The following CFTR variants were observed in gnomAD, a reference collection of about 807,000 sequenced individuals.
CFTR encodes CF transmembrane conductance regulator.
CFTR carries 181 observed loss-of-function variants against 171.6 expected under a neutral mutation model. The observed-to-expected ratio is 1.05, with a 90% CI of 0.93 to 1.19. The LOEUF is 1.19. Ranked by LOEUF, CFTR falls within the 50% of genes most tolerant of loss-of-function variation. The probability of loss-of-function intolerance (pLI) is 0.00; values close to 1 mark genes in which losing one functional copy is unlikely to be tolerated. For missense variants in CFTR, 1,968 were observed against 1,734.7 expected, an observed-to-expected ratio of 1.13 and a Z score of -2.39; for synonymous variants, 583 against 608.0, an observed-to-expected ratio of 0.96 and a Z score of 0.60.
rs1562907858 is a variant in CFTR, at chr7:117,592,093, AAAACT to A, written c.1927_1931del (p.Lys643HisfsTer4). On this transcript the variant is annotated frameshift_variant, in exon 14 of 27. Transcript: ENST00000003084. LOFTEE classifies it high-confidence loss of function. ...AAAATCTACAGCCAGACTTTAGCTC[AAAACT>A]CATGGGATGTGATTCTTTCGACCAA... 1 of 1,613,786 alleles carries A rather than the reference AAAACT, an allele frequency of 6.2e-7. No individual in the cohort carries two copies. Among genetic ancestry groups the A allele is most frequent in the Admixed American group, 1.7e-5 (1 of 59,994 alleles).
chr7:117,586,107 C>G (rs1791929429), intron 11 of CFTR: 1 of 152,156 alleles, frequency 6.6e-6, no homozygotes, highest in Admixed American at 6.5e-5. Flanking sequence ...TTATTACCTT[C>G]TAAATTAGGT....
chr7:117,566,783 TCA>T (rs1791609145), intron 11 of CFTR, among the ~76,000 whole-genome samples: 2 of 152,346 alleles, frequency 1.3e-5, no homozygotes, highest in South Asian at 4.2e-4. Flanking sequence ...CATTAAATCC[TCA>T]CTTTCCATTT....
chr7:117,656,739 G>A (rs1793189459), intron 24 of CFTR, among the ~76,000 whole-genome samples: 1 of 152,276 alleles, frequency 6.6e-6, no homozygotes. Flanking sequence ...AATAGGATCA[G>A]GGGACCTAAA....
chr7:117,540,059 T>C (rs1799021885), intron 7 of CFTR, 41 bp from the exon 8 acceptor site: 1 of 1,556,518 alleles, frequency 6.4e-7, no homozygotes, highest in Admixed American at 1.7e-5. Context: ...ATTTGAAAAA[T>C]AAAATAACAT....
rs34973305 is a variant in CFTR, at chr7:117,659,544, T to C, written c.3964-5144T>C. Among the ~76,000 whole-genome samples the C allele has an allele frequency of 5.2e-3, 789 of 152,300 alleles. 9 individuals are homozygous for C. Among genetic ancestry groups the C allele is most frequent in the African/African-American group, 0.017 (713 of 41,564 alleles). Reference sequence around the variant, plus strand: ...ACCATCCTCACTTTAGAATGAGGACTCAGAGCCTTGAGATGTCTGAGGGCC... The same window carrying C: ...ACCATCCTCACTTTAGAATGAGGACCCAGAGCCTTGAGATGTCTGAGGGCC... On this transcript the variant is annotated intron_variant, in intron 24 of 26. Coordinates refer to ENST00000003084, the MANE Select transcript of CFTR (RefSeq NM_000492.4).
intron 23 of CFTR, chr7:117,647,458 G>A (rs976264548): frequency 1.3e-5 from 2 of 152,146 alleles, no homozygotes; most frequent in African/African-American, 4.8e-5. Context: ...GTTACACGAC[G>A]AATCAGGAGC....
rs773521854 is a variant in CFTR, at chr7:117,592,558, C to A, written c.2391C>A (p.Ala797=). 2.0e-6 allele frequency: 3 copies of A among 1,520,096 alleles called. No homozygotes were observed. The highest frequency in any genetic ancestry group is 2.6e-6 in the Non-Finnish European group (3 of 1,136,734). The allele number at this position is 1,520,096 out of a possible 1,614,324, so 94.2% of individuals were successfully genotyped here. ...TTASTRKVSL[A]PQANLTELDI... is the part of the protein sequence containing the mutation. ...CATCCACACGAAAAGTGTCACTGGC[C>A]CCTCAGGCAAACTTGACTGAACTGG... is the stretch of plus-strand genomic sequence containing the variant. The change falls in exon 14 of 27, where the codon GCC becomes GCA. Residue 797 remains alanine (A), a synonymous_variant. Coordinates refer to ENST00000003084, the MANE Select transcript of CFTR (RefSeq NM_000492.4).
chr7:117,494,099 T>A (rs1199020775), intron 1 of CFTR, among the ~76,000 whole-genome samples: 1 of 152,136 alleles, frequency 6.6e-6, no homozygotes, highest in Non-Finnish European at 1.5e-5. Context: ...GCTTTGTCAT[T>A]GTGATGCAGC....
At chr7:117,505,900 G>A (rs1391680135) in intron 2 of CFTR, among the ~76,000 whole-genome samples, 2 of 152,160 alleles carry the variant, frequency 1.3e-5, no homozygotes, top group Non-Finnish European at 1.5e-5. Flanking sequence ...GCTAGTGGGA[G>A]TAGCAGATTC....
intron 11 of CFTR, among the ~76,000 whole-genome samples, chr7:117,584,214 G>T (rs1791895191): frequency 6.6e-6 from 1 of 151,936 alleles, no homozygotes; most frequent in African/African-American, 2.4e-5. Context: ...TGTTTTATTT[G>T]CTTTTGGGAT....
At chr7:117,597,254 C>G (rs1792146002) in intron 15 of CFTR, among the ~76,000 whole-genome samples, 1 of 152,312 alleles carries the variant, frequency 6.6e-6, no homozygotes, top group African/African-American at 2.4e-5. Context: ...AAGAAAGAAA[C>G]TCCTAACACA....
chr7:117,592,542 G>A lies in CFTR; in HGVS notation c.2375G>A (p.Arg792Gln), dbSNP rs369040061. The change falls in exon 14 of 27, where the codon CGA becomes CAA. Residue 792 changes from arginine (R) to glutamine (Q), a missense_variant. By Grantham distance (43) the Arg-to-Gln change is conservative (BLOSUM62 1). Coordinates refer to ENST00000003084, the MANE Select transcript of CFTR (RefSeq NM_000492.4). The stretch of plus-strand genomic sequence containing the variant: ...CACCGAAAGACAACAGCATCCACAC[G>A]AAAAGTGTCACTGGCCCCTCAGGCA... ...NIHRKTTAST[R>Q]KVSLAPQANL... 19 of 1,521,780 alleles carry A rather than the reference G, an allele frequency of 1.2e-5. No homozygotes were observed. Among genetic ancestry groups the A allele is most frequent in the Middle Eastern group, 1.8e-4 (1 of 5,608 alleles). The allele number at this position is 1,521,780 out of a possible 1,614,324, so 94.3% of individuals were successfully genotyped here.
rs548921227 is a variant in CFTR, at chr7:117,620,275, G to A, written c.3468+5562G>A. On this transcript the variant is annotated intron_variant, in intron 21 of 26. Coordinates refer to ENST00000003084, the MANE Select transcript of CFTR (RefSeq NM_000492.4). ...CTCTGGCCTTGCCATGTGTGGCCTTGGGCAAGTCCTAGCCTCCTTGAGGGT... is the reference window on the plus strand; with the variant it reads ...CTCTGGCCTTGCCATGTGTGGCCTTAGGCAAGTCCTAGCCTCCTTGAGGGT... Among the ~76,000 whole-genome samples the A allele has an allele frequency of 2.0e-5, 3 of 152,264 alleles. No individual in the cohort carries two copies. In the South Asian group the frequency reaches 6.2e-4, roughly 32 times the overall value.
intron 21 of CFTR, among the ~76,000 whole-genome samples, chr7:117,617,119 T>C (rs905809691): frequency 5.3e-5 from 8 of 152,202 alleles, no homozygotes; most frequent in Non-Finnish European, 1.2e-4. Flanking sequence ...GAGTTTACAA[T>C]GGAGTAAACA....
At chr7:117,519,526 A>T (rs1040754445) in intron 3 of CFTR, among the ~76,000 whole-genome samples, 1 of 151,764 alleles carries the variant, frequency 6.6e-6, no homozygotes, top group East Asian at 1.9e-4. Context: ...CTTTTTATTT[A>T]TTATTGTAAG....
chr7:117,620,012 A>G (rs1051520528), intron 21 of CFTR, among the ~76,000 whole-genome samples: 5 of 152,146 alleles, frequency 3.3e-5, no homozygotes, highest in Non-Finnish European at 7.4e-5. Context: ...CCTAATGCCT[A>G]ATTTTCTTGT....
chr7:117,610,763 T>G (rs1429026107), intron 19 of CFTR, 94 bp downstream of exon 19: 1 of 1,344,098 alleles, frequency 7.4e-7, no homozygotes, highest in Non-Finnish European at 1.0e-6. Context: ...AAAATTCTGC[T>G]TTTAAACTTT....
chr7:117,504,374 G>A lies in CFTR; in HGVS notation c.164+11G>A, dbSNP rs1219112641. The A allele has an allele frequency of 7.8e-7, 1 of 1,290,142 alleles. No individual in the cohort carries two copies. The highest frequency in any genetic ancestry group is 1.2e-5 in the South Asian group (1 of 84,518). 79.9% of individuals were successfully genotyped at this position (1,290,142 alleles called of 1,614,324 possible). ...TGAAAAATTGGAAAGGTATGTTCAT[G>A]TACATTGTTTAGTTGAAGAGAGAAA... On this transcript the variant is annotated intron_variant, in intron 2 of 26. Transcript: ENST00000003084.
intron 23 of CFTR, among the ~76,000 whole-genome samples, chr7:117,644,315 C>T (rs1297383277): frequency 1.3e-5 from 2 of 151,994 alleles, no homozygotes; most frequent in East Asian, 3.9e-4. Flanking sequence ...AGAGGGCAAA[C>T]TTCTCATACA....
Sources: gnomAD v4.1 joint callset for allele counts (sites outside exome capture counted in the v4.1 genomes callset) on GRCh38, gnomAD v4.1.1 for gene constraint, MANE v1.5 for transcripts, NCBI Gene and HGNC (gene_info 2026-07-23, HGNC 2026-07-21) for gene names.